Variants in DNAH5 observed in about 807,000 individuals in gnomAD.
DNAH5 encodes the protein axonemal beta dynein heavy chain 5.
DNAH5 carries 372 observed loss-of-function variants against 518.2 expected under a neutral mutation model. The observed-to-expected ratio is 0.72, with a 90% CI of 0.66 to 0.78. The LOEUF (loss-of-function observed/expected upper bound fraction) is 0.78. DNAH5 is among the 30% of genes least tolerant of loss of function. The probability of loss-of-function intolerance (pLI) is 0.00; values close to 1 mark genes in which losing one functional copy is unlikely to be tolerated. For missense variants in DNAH5, 5,523 were observed against 5,687.0 expected, an observed-to-expected ratio of 0.97 and a Z score of 0.93; for synonymous variants, 2,039 against 2,025.9, an observed-to-expected ratio of 1.01 and a Z score of -0.17.
chr5:13,786,910 A>G (rs1756114560), intron 51 of DNAH5, among the ~76,000 whole-genome samples: 2 of 152,204 alleles, frequency 1.3e-5, no homozygotes, highest in South Asian at 2.1e-4. Flanking sequence ...TAAAATCAAT[A>G]TACTTTTTTA....
rs1051880268 is a variant in DNAH5, at chr5:13,753,628, T to A, written c.10556-79A>T. On this transcript the variant is annotated intron_variant, in intron 62 of 78. Transcript: ENST00000265104. Reference sequence around the variant, plus strand: ...TACAGCATATTAAAAATGAAAAAAATTAAAAAGACAATAATTCTTTTAAAC... The same window carrying A: ...TACAGCATATTAAAAATGAAAAAAAATAAAAAGACAATAATTCTTTTAAAC... 2.7e-5 allele frequency: 35 copies of A among 1,282,150 alleles called. No individual in the cohort carries two copies. In the African/African-American group the frequency reaches 3.2e-4, roughly 12 times the overall value. 79.4% of individuals were successfully genotyped at this position (1,282,150 alleles called of 1,614,324 possible).
chr5:13,841,947 A>T lies in DNAH5; in HGVS notation c.5272-43T>A, dbSNP rs375476801. 2.5e-6 allele frequency: 3 copies of T among 1,221,428 alleles called. No homozygotes were observed. The East Asian group carries it at 7.1e-5, about 29-fold the overall frequency. 75.7% of individuals were successfully genotyped at this position (1,221,428 alleles called of 1,614,324 possible). ...AAAAAAAAAAAAAAAAGCTATAGTC[A>T]TATAAAAAGTAAAAACTAATTATTG... is the stretch of plus-strand genomic sequence containing the variant. On this transcript the variant is annotated intron_variant, in intron 32 of 78. Coordinates refer to ENST00000265104, the MANE Select transcript of DNAH5 (RefSeq NM_001369.3).
intron 65 of DNAH5, among the ~76,000 whole-genome samples, chr5:13,741,213 G>A (rs1301724560): frequency 6.6e-6 from 1 of 152,130 alleles, no homozygotes; most frequent in Non-Finnish European, 1.5e-5. Context: ...CCTGGCCTCT[G>A]CTTTATGTTT....
chr5:13,934,600 T>G (rs1347835452), intron 1 of DNAH5, among the ~76,000 whole-genome samples: 1 of 152,266 alleles, frequency 6.6e-6, no homozygotes, highest in African/African-American at 2.4e-5. Flanking sequence ...ATGGTAGTAA[T>G]AGAGAGGAAA....
intron 68 of DNAH5, 77 bp from the exon 69 acceptor site, chr5:13,729,637 T>C: frequency 7.4e-7 from 1 of 1,343,142 alleles, no homozygotes; most frequent in Non-Finnish European, 1.0e-6. Context: ...ATTTGTATTA[T>C]TTTAATTTCA....
intron 38 of DNAH5, among the ~76,000 whole-genome samples, chr5:13,825,138 T>C (rs2151825794): frequency 6.6e-6 from 1 of 152,164 alleles, no homozygotes; most frequent in African/African-American, 2.4e-5. Context: ...GGCCAGGAGT[T>C]CGAGACCAGC....
Position 13,737,214 on chromosome 5 carries a change from A to C in DNAH5, c.11455+38T>G, listed in dbSNP as rs147166017. 323 of 1,613,090 alleles carry C rather than the reference A, an allele frequency of 2.0e-4. No individual in the cohort carries two copies. In the African/African-American group the frequency reaches 3.8e-3, roughly 19 times the overall value. ...CTAATTCTCATTCCTCTCTCATTTCATTTTCCTGTGACATTTGTCTTTCAT... is the reference window on the plus strand; with the variant it reads ...CTAATTCTCATTCCTCTCTCATTTCCTTTTCCTGTGACATTTGTCTTTCAT... On this transcript the variant is annotated intron_variant, in intron 66 of 78. Coordinates refer to ENST00000265104, the MANE Select transcript of DNAH5 (RefSeq NM_001369.3).
chr5:13,736,078 T>C (rs1446175337), intron 66 of DNAH5, 146 bp from the exon 67 acceptor site: 1 of 676,844 alleles, frequency 1.5e-6, no homozygotes, highest in Non-Finnish European at 2.7e-6. Flanking sequence ...CAAAGCGATA[T>C]TCATTTATTA....
At chr5:13,767,093 C>T (rs1245679399) in intron 58 of DNAH5, among the ~76,000 whole-genome samples, 1 of 151,996 alleles carries the variant, frequency 6.6e-6, no homozygotes, top group Non-Finnish European at 1.5e-5. Context: ...AATTACATAC[C>T]TTGAAAAGGT....
intron 42 of DNAH5, among the ~76,000 whole-genome samples, chr5:13,816,568 A>C (rs999939336): frequency 3.3e-5 from 5 of 151,462 alleles, no homozygotes; most frequent in Non-Finnish European, 5.9e-5. Flanking sequence ...AAAAAAACAA[A>C]AAAACCTCTG....
chr5:13,809,236 G>C (rs201052349), intron 45 of DNAH5, 50 bp from the exon 46 acceptor site: 3 of 1,601,608 alleles, frequency 1.9e-6, no homozygotes, highest in African/African-American at 1.3e-5. Flanking sequence ...ATTCAACTCC[G>C]AACTGTAATG....
At chr5:13,741,266 G>C (rs1490407766) in intron 65 of DNAH5, among the ~76,000 whole-genome samples, 1 of 152,138 alleles carries the variant, frequency 6.6e-6, no homozygotes, top group Non-Finnish European at 1.5e-5. Flanking sequence ...TAGTTGGTAA[G>C]ACCCCACCAG....
intron 65 of DNAH5, among the ~76,000 whole-genome samples, chr5:13,743,179 G>A (rs1228186711): frequency 2.6e-5 from 4 of 152,040 alleles, no homozygotes; most frequent in African/African-American, 9.7e-5. Flanking sequence ...CAGGCAGATA[G>A]ATATATTGAT....
chr5:13,728,219 A>T (rs967515287), intron 69 of DNAH5, among the ~76,000 whole-genome samples: 4 of 152,208 alleles, frequency 2.6e-5, no homozygotes. Context: ...ACTGGGAAAG[A>T]GTAAAAGGAC....
At chr5:13,867,616 G>GGA (rs5866074) in intron 25 of DNAH5, among the ~76,000 whole-genome samples, 158 bp downstream of exon 25, 2 of 151,514 alleles carry the variant, frequency 1.3e-5, no homozygotes, top group Non-Finnish European at 2.9e-5. Context: ...AAAGAATTGT[G>GGA]AAAAAAAATG....
intron 42 of DNAH5, 71 bp from the exon 43 acceptor site, chr5:13,814,917 A>G (rs1233498814): frequency 7.0e-7 from 1 of 1,424,200 alleles, no homozygotes; most frequent in African/African-American, 1.4e-5. Flanking sequence ...TAAGTTTAAA[A>G]TAGCTTGAAG....
At chr5:13,880,483 A>G (rs1771505302) in intron 21 of DNAH5, among the ~76,000 whole-genome samples, 1 of 152,128 alleles carries the variant, frequency 6.6e-6, no homozygotes, top group South Asian at 2.1e-4. Context: ...AAAAACAACT[A>G]GAGCTACACA....
At chr5:13,725,106 T>C (rs1374067476) in intron 70 of DNAH5, among the ~76,000 whole-genome samples, 2 of 152,230 alleles carry the variant, frequency 1.3e-5, no homozygotes, top group African/African-American at 4.8e-5. Flanking sequence ...CCAGCCCTTA[T>C]GAAGCTTGCC....
Position 13,928,079 on chromosome 5 carries a change from A to G in DNAH5, c.277+15T>C. 1 of 1,605,274 alleles carries G rather than the reference A, an allele frequency of 6.2e-7. No individual in the cohort carries two copies. The highest frequency in any genetic ancestry group is 8.5e-7 in the Non-Finnish European group (1 of 1,172,010). On this transcript the variant is annotated intron_variant, in intron 3 of 78. Coordinates refer to ENST00000265104, the MANE Select transcript of DNAH5 (RefSeq NM_001369.3). ...ATAACACATTTCTGGGTTATGTCAC[A>G]TCAAATTCAGATACCTGTTTCTGCT...
Sources: allele counts gnomAD v4.1 joint callset (sites outside exome capture counted in the v4.1 genomes callset), GRCh38; gene constraint gnomAD v4.1.1; transcripts MANE v1.5; gene names NCBI Gene and HGNC (gene_info 2026-07-23, HGNC 2026-07-21).